The following OR56A3 variants were observed in gnomAD, a reference collection of about 807,000 sequenced individuals.
OR56A3 encodes the protein olfactory receptor 56A3.
In OR56A3, 23 loss-of-function variants were observed where a neutral mutation model predicts 17.5. The ratio of observed to expected loss-of-function variants is 1.32; its 90% CI spans 0.95 to 1.87. The LOEUF (loss-of-function observed/expected upper bound fraction) is 1.87. Ranked by LOEUF, OR56A3 falls within the 40% of genes most tolerant of loss-of-function variation. The pLI is 0.00. For synonymous variants in OR56A3, 175 were observed against 150.6 expected (o/e 1.16, Z -1.19); for missense variants, 366 against 380.1 (o/e 0.96, Z 0.31).
At chr11:5,990,753 T>G in the OR56A3 span, among the ~76,000 whole-genome samples, 2 of 152,098 alleles carry the variant, frequency 1.3e-5, no homozygotes, top group Non-Finnish European at 2.9e-5. Context: ...ACTCACAACA[T>G]GGATAATAAA....
chr11:5,990,900 G>A, the OR56A3 span, among the ~76,000 whole-genome samples: 1 of 152,092 alleles, frequency 6.6e-6, no homozygotes, highest in Non-Finnish European at 1.5e-5. Flanking sequence ...TCAGACTCTG[G>A]AAGGTCTGGG....
chr11:5,947,766 C>A lies in OR56A3; in HGVS notation c.420C>A (p.Ile140=), dbSNP rs1590446090. 6.2e-7 allele frequency: 1 copy of A among 1,614,224 alleles called. No individual in the cohort carries two copies. Among genetic ancestry groups the A allele is most frequent in the Non-Finnish European group, 8.5e-7 (1 of 1,180,042 alleles). The stretch of plus-strand genomic sequence containing the variant: ...ACCCACTGAGATATCCATCAATCAT[C>A]ACTGATCACTTTGTAGTCAAGGCTG... ...ICHPLRYPSI[I]TDHFVVKAAM... The change falls in exon 3 of 3, where the codon ATC becomes ATA. Residue 140 remains isoleucine (I), a synonymous_variant. Transcript: ENST00000641160.
chr11:6,019,375 T>A, the OR56A3 span: 1 of 152,122 alleles, frequency 6.6e-6, no homozygotes, highest in African/African-American at 2.4e-5. Flanking sequence ...CGCATGCAAA[T>A]CAATAAATGT....
At chr11:5,964,999 T>C in the OR56A3 span, among the ~76,000 whole-genome samples, 1 of 152,292 alleles carries the variant, frequency 6.6e-6, no homozygotes, top group Admixed American at 6.5e-5. Flanking sequence ...ACTCACCTGG[T>C]TTTCTTAGCT....
At chr11:5,953,754 T>G (rs1451502190), downstream of OR56A3, among the ~76,000 whole-genome samples, 1 of 152,218 alleles carries the variant, frequency 6.6e-6, no homozygotes, top group African/African-American at 2.4e-5. Context: ...TATTTTGTAT[T>G]TATGAAGATA....
At chr11:5,967,629 G>A in the OR56A3 span, 1 of 1,613,898 alleles carries the variant, frequency 6.2e-7, no homozygotes, top group Non-Finnish European at 8.5e-7. Context: ...GGGGTTCAGA[G>A]CTGGGGGAAT....
the OR56A3 span, among the ~76,000 whole-genome samples, chr11:5,965,970 C>G: frequency 5.3e-5 from 8 of 151,972 alleles, no homozygotes; most frequent in African/African-American, 1.9e-4. Flanking sequence ...GATAGGTAAA[C>G]AGAAGAGTGA....
At chr11:5,976,721 C>T in the OR56A3 span, among the ~76,000 whole-genome samples, 2 of 151,240 alleles carry the variant, frequency 1.3e-5, no homozygotes, top group Non-Finnish European at 2.9e-5. Context: ...TCTTTTTTTT[C>T]ACCTTATATT....
the OR56A3 span, among the ~76,000 whole-genome samples, chr11:5,985,351 A>T: frequency 6.6e-6 from 1 of 152,206 alleles, no homozygotes; most frequent in Non-Finnish European, 1.5e-5. Flanking sequence ...TTCCTTGAAA[A>T]TAGAAATTAT....
the OR56A3 span, among the ~76,000 whole-genome samples, chr11:6,005,306 C>T: frequency 1.3e-5 from 2 of 152,084 alleles, no homozygotes; most frequent in African/African-American, 4.8e-5. Flanking sequence ...TAAAGACTGT[C>T]CTTTTAGGCA....
chr11:5,980,267 A>G, the OR56A3 span, among the ~76,000 whole-genome samples: 2 of 152,162 alleles, frequency 1.3e-5, no homozygotes, highest in Non-Finnish European at 2.9e-5. Flanking sequence ...AGTCATCTGT[A>G]TGATACTATC....
Position 5,948,794 on chromosome 11 carries a change from C to T in OR56A3, c.*500C>T. ...AGGTCTTTTTCTCTCACCCTTCAAC[C>T]ACATCATTGCCTTTCTCTAGTTCTC... is the stretch of plus-strand genomic sequence containing the variant. On this transcript the variant is annotated 3_prime_UTR_variant, in exon 3 of 3. Coordinates refer to ENST00000641160, the MANE Select transcript of OR56A3 (RefSeq NM_001003443.3). The T allele has an allele frequency of 6.4e-6, 1 of 156,038 alleles. No homozygotes were observed. Among genetic ancestry groups the T allele is most frequent in the Non-Finnish European group, 1.4e-5 (1 of 70,370 alleles). 9.7% of individuals were successfully genotyped at this position (156,038 alleles called of 1,614,324 possible). A position where few individuals can be genotyped will look rare whatever the true frequency, so the allele number is the denominator to read the frequency against.
the OR56A3 span, among the ~76,000 whole-genome samples, chr11:5,998,133 G>T: frequency 6.6e-6 from 1 of 152,176 alleles, no homozygotes; most frequent in South Asian, 2.1e-4. Flanking sequence ...TTGTGTTGCA[G>T]ACAATGGTGC....
At chr11:5,993,172 G>A in the OR56A3 span, among the ~76,000 whole-genome samples, 2 of 152,144 alleles carry the variant, frequency 1.3e-5, no homozygotes, top group East Asian at 1.9e-4. Flanking sequence ...TAAAATTTGC[G>A]ATTTTAGTAC....
At chr11:5,989,868 C>T in the OR56A3 span, among the ~76,000 whole-genome samples, 4 of 152,142 alleles carry the variant, frequency 2.6e-5, no homozygotes, top group African/African-American at 9.7e-5. Context: ...GACTTTATTC[C>T]CAGGAACCTA....
the OR56A3 span, among the ~76,000 whole-genome samples, chr11:5,990,303 A>C: frequency 2.0e-5 from 3 of 152,258 alleles, no homozygotes; most frequent in African/African-American, 7.2e-5. Context: ...GATAAGGCAG[A>C]GGCTAAATTT....
chr11:5,962,732 G>T, the OR56A3 span, among the ~76,000 whole-genome samples: 1 of 151,972 alleles, frequency 6.6e-6, no homozygotes, highest in Non-Finnish European at 1.5e-5. Context: ...TAGAGATGGG[G>T]TTTCACCTTG....
the OR56A3 span, among the ~76,000 whole-genome samples, chr11:5,992,898 T>C: frequency 6.6e-6 from 1 of 152,128 alleles, no homozygotes; most frequent in Non-Finnish European, 1.5e-5. Context: ...GATTGGTAGA[T>C]TAGGTATCTA....
chr11:5,989,054 A>G, the OR56A3 span, among the ~76,000 whole-genome samples: 1 of 152,234 alleles, frequency 6.6e-6, no homozygotes. Context: ...TATGATAGCT[A>G]TAAAGTCTGA....
Sources: gnomAD v4.1 joint callset for allele counts (sites outside exome capture counted in the v4.1 genomes callset) on GRCh38, gnomAD v4.1.1 for gene constraint, MANE v1.5 for transcripts, NCBI Gene and HGNC (gene_info 2026-07-23, HGNC 2026-07-21) for gene names.